The following LRIG3 variants were observed in gnomAD, a reference collection of about 807,000 sequenced individuals.
The protein encoded by LRIG3 is leucine rich repeats and immunoglobulin like domains 3.
A neutral mutation model predicts 114.5 loss-of-function variants in LRIG3; 76 were observed. The ratio of observed to expected loss-of-function variants is 0.66; its 90% confidence interval spans 0.55 to 0.80. The LOEUF (loss-of-function observed/expected upper bound fraction) is 0.80, where lower values mean the gene tolerates loss of function less well. Among genes scored for constraint, LRIG3 ranks in the 30% least tolerant of loss-of-function variants. LRIG3 has a pLI of 0.00. For missense variants in LRIG3, 1,239 were observed against 1,382.8 expected (o/e 0.90, Z 1.65); for synonymous variants, 512 against 519.8 (o/e 0.98, Z 0.20).
At chr12:58,905,539 T>C (rs1434854557) in intron 3 of LRIG3, among the ~76,000 whole-genome samples, 1 of 152,182 alleles carries the variant, frequency 6.6e-6, no homozygotes, top group African/African-American at 2.4e-5. Context: ...CCTGCTGTGG[T>C]TTTAACATGT....
In LRIG3 at chr12:58,888,859, T is replaced by C; in HGVS notation, c.763A>G (p.Met255Val). 3.1e-6 allele frequency: 5 copies of C among 1,613,854 alleles called. No homozygotes were observed. Among genetic ancestry groups the C allele is most frequent in the Non-Finnish European group, 4.2e-6 (5 of 1,179,846 alleles). Residue 255 changes from methionine to valine, a missense_variant, in exon 6 of 19, where the codon ATG becomes GTG. Met to Val is a conservative substitution (Grantham distance 21). Transcript: ENST00000320743. Reference sequence around the variant, plus strand: ...CTCAGCCCCCAAAAAGCTCCATCCATAAGTTTCGTTACTCCATTTCTTTGC... The same window carrying C: ...CTCAGCCCCCAAAAAGCTCCATCCACAAGTTTCGTTACTCCATTTCTTTGC... ...KMQRNGVTKL[M>V]DGAFWGLSNM...
intron 3 of LRIG3, among the ~76,000 whole-genome samples, chr12:58,892,766 A>T (rs1871498606): frequency 6.6e-6 from 1 of 152,210 alleles, no homozygotes; most frequent in Non-Finnish European, 1.5e-5. Context: ...ACATTACAAA[A>T]CATCTTAAAA....
chr12:58,896,885 C>G (rs1372951470), intron 3 of LRIG3, among the ~76,000 whole-genome samples: 3 of 152,168 alleles, frequency 2.0e-5, no homozygotes, highest in African/African-American at 7.2e-5. Flanking sequence ...AAACAACCAG[C>G]TTAGCACCAT....
chr12:58,915,746 T>C (rs1872457680), intron 1 of LRIG3, among the ~76,000 whole-genome samples: 1 of 152,168 alleles, frequency 6.6e-6, no homozygotes, highest in East Asian at 1.9e-4. Context: ...CCAGACACTT[T>C]CCCTTGCAGC....
At chr12:58,880,341 A>C (rs981801816) in intron 13 of LRIG3, 2 of 652,536 alleles carry the variant, frequency 3.1e-6, no homozygotes, top group Non-Finnish European at 5.5e-6. Context: ...GAGCAAAAAC[A>C]TGTCTGGTTC....
intron 3 of LRIG3, among the ~76,000 whole-genome samples, chr12:58,909,750 C>T (rs1404055486): frequency 6.6e-6 from 1 of 152,192 alleles, no homozygotes; most frequent in Non-Finnish European, 1.5e-5. Context: ...ACAAACCTGG[C>T]AAAGGGTGGA....
chr12:58,903,781 T>C (rs923542175), intron 3 of LRIG3, among the ~76,000 whole-genome samples: 16 of 152,120 alleles, frequency 1.1e-4, no homozygotes, highest in African/African-American at 3.6e-4. Context: ...GCTTTCTACA[T>C]ATGGCTAGCC....
chr12:58,900,882 T>C (rs1871822714), intron 3 of LRIG3, among the ~76,000 whole-genome samples: 1 of 152,232 alleles, frequency 6.6e-6, no homozygotes, highest in Non-Finnish European at 1.5e-5. Flanking sequence ...AATTATCACA[T>C]AGGCAGGTGA....
Position 58,872,447 on chromosome 12 carries a change from A to G in LRIG3, c.*125T>C. The G allele has an allele frequency of 8.7e-7, 1 of 1,155,554 alleles. No homozygotes were observed. The highest frequency in any genetic ancestry group is 1.1e-6 in the Non-Finnish European group (1 of 873,156). 71.6% of individuals were successfully genotyped at this position (1,155,554 alleles called of 1,614,324 possible). A position where few individuals can be genotyped will look rare whatever the true frequency, so the allele number is the denominator to read the frequency against. On this transcript the variant is annotated 3_prime_UTR_variant, in exon 19 of 19. Transcript: ENST00000320743. ...CTTTTTGTAATTTTGGTTCATCTGT[A>G]TAAATAAAGCATTTTTATCCTTTTA...
At chr12:58,913,840 C>T (rs1241103985) in intron 3 of LRIG3, 142 bp downstream of exon 3, 12 of 632,790 alleles carry the variant, frequency 1.9e-5, no homozygotes, top group Non-Finnish European at 2.4e-5. Context: ...AACAAGTTAA[C>T]CAATTTAAAG....
rs1405999370 is a variant in LRIG3, at chr12:58,874,512, A to G, written c.2757T>C (p.Leu919=). 6.2e-7 allele frequency: 1 copy of G among 1,614,210 alleles called. No individual in the cohort carries two copies. Among genetic ancestry groups the G allele is most frequent in the East Asian group, 2.2e-5 (1 of 44,884 alleles). ...GGCCTGTGGATCCCAAAAACGGACA[A>G]AGGAACAGATCTGTGGCAGCTTCCA... ...ADVEAATDLF[L]CPFLGSTGPM... The change falls in exon 17 of 19, where the codon CTT becomes CTC. Residue 919 remains leucine, a synonymous_variant. Coordinates refer to ENST00000320743, the MANE Select transcript of LRIG3 (RefSeq NM_153377.5).
chr12:58,913,752 C>A, intron 3 of LRIG3: 2 of 464,108 alleles, frequency 4.3e-6, no homozygotes, highest in Non-Finnish European at 7.6e-6. Flanking sequence ...AAGACCAGTT[C>A]GGCAACAACA....
chr12:58,903,167 A>C (rs1871930400), intron 3 of LRIG3, among the ~76,000 whole-genome samples: 1 of 152,170 alleles, frequency 6.6e-6, no homozygotes. Context: ...CTAGAGTTGA[A>C]CTAGTTTACA....
At chr12:58,883,701 C>G (rs1871187610) in intron 10 of LRIG3, 110 bp from the exon 11 acceptor site, 1 of 616,488 alleles carries the variant, frequency 1.6e-6, no homozygotes, top group Admixed American at 2.6e-5. Flanking sequence ...AATACTCCCT[C>G]TATGTGTCAA....
chr12:58,905,665 T>C (rs1042435072), intron 3 of LRIG3, among the ~76,000 whole-genome samples: 1 of 152,178 alleles, frequency 6.6e-6, no homozygotes, highest in Non-Finnish European at 1.5e-5. Context: ...AGTCTACTGA[T>C]GAATTAATGG....
At chr12:58,912,541 C>A (rs1872323706) in intron 3 of LRIG3, among the ~76,000 whole-genome samples, 1 of 152,098 alleles carries the variant, frequency 6.6e-6, no homozygotes, top group South Asian at 2.1e-4. Flanking sequence ...AATTTTCTAA[C>A]TTCCTCACAA....
In LRIG3 at chr12:58,914,299, T is replaced by C; in HGVS notation, c.274A>G (p.Ser92Gly). 1 of 1,614,026 alleles carries C rather than the reference T, an allele frequency of 6.2e-7. No individual in the cohort carries two copies. The highest frequency in any genetic ancestry group is 8.5e-7 in the Non-Finnish European group (1 of 1,179,934). ...SHNRLSFIKA[S>G]SMSHLQSLRE... ...AGGCTTTGAAGGTGGCTCATGGAAC[T>C]TGCCTTGATGAAAGATAATCTGTTG... The change falls in exon 2 of 19, where the codon AGT (serine) becomes GGT (glycine). Residue 92 changes from serine to glycine, a missense_variant. Physicochemically the swap from Ser to Gly is moderately conservative, Grantham distance 56. Transcript: ENST00000320743.
intron 3 of LRIG3, chr12:58,913,716 T>C (rs183610671): frequency 2.3e-4 from 90 of 398,550 alleles, no homozygotes; most frequent in Admixed American, 3.8e-4. Context: ...ATTTCTATGG[T>C]GTAAAGCTGG....
Position 58,890,798 on chromosome 12 carries a change from T to C in LRIG3, c.384-2A>G. 1 of 1,599,920 alleles carries C rather than the reference T, an allele frequency of 6.3e-7. No homozygotes were observed. The highest frequency in any genetic ancestry group is 8.5e-7 in the Non-Finnish European group (1 of 1,175,418). On this transcript the variant is annotated splice_acceptor_variant, in intron 3 of 18. Transcript: ENST00000320743. LOFTEE classifies it high-confidence loss of function. ...ATTTCAACAATCCTGTTTCCAGCCCTAGAATTAAAAGAAACCACAGTTAAC... is the reference window on the plus strand; with the variant it reads ...ATTTCAACAATCCTGTTTCCAGCCCCAGAATTAAAAGAAACCACAGTTAAC...
Sources: gnomAD v4.1 joint callset for allele counts (sites outside exome capture counted in the v4.1 genomes callset) on GRCh38, gnomAD v4.1.1 for gene constraint, MANE v1.5 for transcripts, NCBI Gene and HGNC (gene_info 2026-07-23, HGNC 2026-07-21) for gene names.